ATP6V1B2: variants seen among roughly 807,000 people sequenced by gnomAD.
The protein encoded by ATP6V1B2 is ATPase H+ transporting V1 subunit B2.
A neutral mutation model predicts 66.7 loss-of-function variants in ATP6V1B2; 23 were observed. The observed-to-expected ratio is 0.34, with a 90% confidence interval of 0.25 to 0.49. The LOEUF (loss-of-function observed/expected upper bound fraction) is 0.49, where lower values mean the gene tolerates loss of function less well. ATP6V1B2 is among the 20% of genes least tolerant of loss of function. The pLI is 0.99. For synonymous variants in ATP6V1B2, 278 were observed against 236.7 expected (o/e 1.17, Z -1.60); for missense variants, 478 against 650.8 (o/e 0.73, Z 2.89).
intron 12 of ATP6V1B2, 112 bp downstream of exon 12, chr8:20,217,436 T>C (rs938444103): frequency 2.1e-6 from 2 of 949,860 alleles, no homozygotes; most frequent in Non-Finnish European, 3.3e-6. Flanking sequence ...ACATGGAATT[T>C]TAGTGTAGGC....
intron 3 of ATP6V1B2, 80 bp from the exon 4 acceptor site, chr8:20,210,266 C>T (rs1585250301): frequency 1.8e-6 from 2 of 1,117,206 alleles, no homozygotes; most frequent in Admixed American, 4.0e-5. Context: ...ATTATAAGGG[C>T]TGTTTAACAG....
chr8:20,199,587 C>T (rs970295880), intron 1 of ATP6V1B2, among the ~76,000 whole-genome samples: 1 of 149,304 alleles, frequency 6.7e-6, no homozygotes, highest in Admixed American at 6.7e-5. Flanking sequence ...TATTGATTAA[C>T]CTCTTAATTT....
At chr8:20,210,836 A>G (rs1405587283) in intron 5 of ATP6V1B2, among the ~76,000 whole-genome samples, 190 bp downstream of exon 5, 1 of 152,146 alleles carries the variant, frequency 6.6e-6, no homozygotes, top group African/African-American at 2.4e-5. Flanking sequence ...ATGTATTAAT[A>G]TCTTAAGATA....
intron 9 of ATP6V1B2, 60 bp from the exon 10 acceptor site, chr8:20,214,758 G>T (rs1397383979): frequency 2.0e-6 from 3 of 1,494,928 alleles, no homozygotes; most frequent in African/African-American, 1.4e-5. Context: ...AAACAAACAT[G>T]TTGTAAGCAA....
chr8:20,199,786 A>G (rs993482987), intron 1 of ATP6V1B2, among the ~76,000 whole-genome samples: 5 of 151,594 alleles, frequency 3.3e-5, no homozygotes, highest in Admixed American at 1.3e-4. Flanking sequence ...AATTTTTTGT[A>G]TTTTAGTAGA....
At chr8:20,211,390 A>G (rs1307399821) in intron 6 of ATP6V1B2, 74 bp downstream of exon 6, 6 of 1,553,456 alleles carry the variant, frequency 3.9e-6, no homozygotes, top group Non-Finnish European at 4.3e-6. Context: ...TTACTGAGAA[A>G]CCGAATAAAG....
At chr8:20,197,914 G>A (rs1335024848) in intron 1 of ATP6V1B2, among the ~76,000 whole-genome samples, 1 of 152,140 alleles carries the variant, frequency 6.6e-6, no homozygotes, top group African/African-American at 2.4e-5. Context: ...GGATATCTAG[G>A]GGTCGAGGGA....
At chr8:20,214,538 A>G (rs774555514) in intron 9 of ATP6V1B2, 9 of 240,354 alleles carry the variant, frequency 3.7e-5, no homozygotes, top group Non-Finnish European at 7.1e-5. Context: ...GATTTATAAA[A>G]TTGCAAACAG....
At chr8:20,214,712 A>G (rs938254602) in intron 9 of ATP6V1B2, 106 bp from the exon 10 acceptor site, 4 of 1,269,738 alleles carry the variant, frequency 3.2e-6, no homozygotes, top group Middle Eastern at 2.9e-4. Flanking sequence ...TAAAATGAAC[A>G]TGATGGGATT....
At chr8:20,206,953 A>G (rs2072745193) in intron 2 of ATP6V1B2, among the ~76,000 whole-genome samples, 1 of 152,214 alleles carries the variant, frequency 6.6e-6, no homozygotes, top group Admixed American at 6.5e-5. Flanking sequence ...TCATTTCTTG[A>G]TAATCTGATT....
At chr8:20,201,104 T>C (rs2072681120) in intron 1 of ATP6V1B2, among the ~76,000 whole-genome samples, 1 of 152,220 alleles carries the variant, frequency 6.6e-6, no homozygotes, top group Non-Finnish European at 1.5e-5. Flanking sequence ...TAAATACTTG[T>C]CTGGCTCATA....
At position 20,204,499 on chromosome 8, in the gene ATP6V1B2, C is replaced by T. The variant is rs768400416; in HGVS notation, c.152C>T (p.Ser51Phe). The change falls in exon 2 of 14, where the codon TCT becomes TTT. Residue 51 changes from serine to phenylalanine, a missense_variant. Physicochemically the swap from Ser to Phe is radical, Grantham distance 155. This residue lies in a region of ATP6V1B2 where 152 missense variants were observed against 105.2 expected (regional missense o/e 1.44). Coordinates refer to ENST00000276390, the MANE Select transcript of ATP6V1B2 (RefSeq NM_001693.4). ...TTCTTTCCAGCATACAAGACAGTAT[C>T]TGGAGTCAATGGTCCACTAGTGATC... The part of the protein sequence containing the change: ...SQPRLTYKTV[S>F]GVNGPLVILD... 8.1e-6 allele frequency: 13 copies of T among 1,613,028 alleles called. No individual in the cohort carries two copies. The highest frequency in any genetic ancestry group is 1.0e-5 in the Non-Finnish European group (12 of 1,179,148).
chr8:20,213,611 C>T (rs892317996), intron 9 of ATP6V1B2: 1 of 152,330 alleles, frequency 6.6e-6, no homozygotes, highest in African/African-American at 2.4e-5. Flanking sequence ...ATGATTGTGC[C>T]ACTGCCCTCC....
At chr8:20,207,403 C>T (rs1585248488) in intron 2 of ATP6V1B2, among the ~76,000 whole-genome samples, 1 of 151,972 alleles carries the variant, frequency 6.6e-6, no homozygotes, top group South Asian at 2.1e-4. Context: ...AAATTAGTTA[C>T]CAAAATTCCA....
Position 20,217,309 on chromosome 8 carries a change from T to C in ATP6V1B2, c.1251T>C (p.Asp417=), listed in dbSNP as rs139142571. The C allele has an allele frequency of 4.7e-5, 75 of 1,610,650 alleles. No individual in the cohort carries two copies. The African/African-American group carries it at 8.5e-4, about 18-fold the overall frequency. ...GEGMTRKDHA[D]VSNQLYACYA... ...GGATGACCAGGAAGGATCATGCCGA[T>C]GTATCTAACCAGCTAGTATGTACAT... is the stretch of plus-strand genomic sequence containing the variant. Residue 417 remains aspartate, a synonymous_variant, in exon 12 of 14, where the codon GAT becomes GAC. Transcript: ENST00000276390.
rs185371803 is a variant in ATP6V1B2, at chr8:20,204,613, A to C, written c.192+74A>C. 513 of 1,322,890 alleles carry C rather than the reference A, an allele frequency of 3.9e-4. 6 individuals are homozygous for C. The African/African-American group carries it at 7.0e-3, about 18-fold the overall frequency. The allele number at this position is 1,322,890 out of a possible 1,614,324, so 81.9% of individuals were successfully genotyped here. ...ATTAAGTCCTATTTAGTATACTTTA[A>C]ATTTTTGTTATGATTTTTAAGCCAT... On this transcript the variant is annotated intron_variant, in intron 2 of 13. Coordinates refer to ENST00000276390, the MANE Select transcript of ATP6V1B2 (RefSeq NM_001693.4).
chr8:20,204,121 A>C (rs961754987), intron 1 of ATP6V1B2: 1 of 414,498 alleles, frequency 2.4e-6, no homozygotes, highest in African/African-American at 2.1e-5. Flanking sequence ...TGCTCCCACA[A>C]ACCCTGTGCA....
intron 4 of ATP6V1B2, 35 bp from the exon 5 acceptor site, chr8:20,210,534 C>G (rs1206031266): frequency 3.1e-6 from 5 of 1,609,230 alleles, no homozygotes; most frequent in Non-Finnish European, 4.3e-6. Context: ...TGAAAGTCAG[C>G]ATCTACTCTG....
In ATP6V1B2 at chr8:20,200,136, G is replaced by A. The variant is rs115701999; in HGVS notation, c.136+2594G>A. 6.8e-3 allele frequency among the ~76,000 whole-genome samples: 1,029 copies of A among 151,984 alleles called. 17 individuals are homozygous for A. The highest frequency in any genetic ancestry group is 0.023 in the African/African-American group (963 of 41,392). On this transcript the variant is annotated intron_variant, in intron 1 of 13. Coordinates refer to ENST00000276390, the MANE Select transcript of ATP6V1B2 (RefSeq NM_001693.4). Reference sequence around the variant, plus strand: ...TCCCACCTCAGCCTCTCAAGTATCTGGGACTACAGACGGACACCACTACGT... The same window carrying A: ...TCCCACCTCAGCCTCTCAAGTATCTAGGACTACAGACGGACACCACTACGT...
Sources: allele counts gnomAD v4.1 joint callset (sites outside exome capture counted in the v4.1 genomes callset), GRCh38; gene constraint gnomAD v4.1.1; regional missense constraint gnomAD v4.1.1; transcripts MANE v1.5; gene names NCBI Gene and HGNC (gene_info 2026-07-23, HGNC 2026-07-21).